Variants in FOXP1 observed in about 807,000 individuals in gnomAD.
FOXP1 encodes forkhead box protein P1.
A neutral mutation model predicts 98.2 loss-of-function variants in FOXP1; 15 were observed. The observed-to-expected ratio is 0.15, with a 90% confidence interval of 0.10 to 0.24. The LOEUF is 0.24. Ranked by LOEUF, FOXP1 falls within the 10% of genes least tolerant of loss-of-function variation. FOXP1 has a pLI of 1.00. For synonymous variants in FOXP1, 371 were observed against 314.5 expected, an observed-to-expected ratio of 1.18 and a Z score of -1.90; for missense variants, 633 against 848.5, an observed-to-expected ratio of 0.75 and a Z score of 3.15.
chr3:71,138,472 T>C (rs1353255712), intron 6 of FOXP1, among the ~76,000 whole-genome samples: 1 of 152,118 alleles, frequency 6.6e-6, no homozygotes, highest in Admixed American at 6.6e-5. Context: ...AAGGCCCTCC[T>C]CTGAAAAAGA....
At chr3:70,984,616 G>C (rs534504795) in intron 14 of FOXP1, among the ~76,000 whole-genome samples, 228 of 152,330 alleles carry the variant, frequency 1.5e-3, no homozygotes, top group African/African-American at 5.2e-3. Context: ...TGATGGAATA[G>C]TTTGATTTTA....
intron 14 of FOXP1, 124 bp from the exon 15 acceptor site, chr3:70,978,153 G>C (rs2037994878): frequency 1.3e-6 from 1 of 778,034 alleles, no homozygotes. Flanking sequence ...TAGATGGTAT[G>C]TTTACCATGA....
At chr3:71,120,089 G>C (rs751476575) in intron 6 of FOXP1, among the ~76,000 whole-genome samples, 1 of 152,194 alleles carries the variant, frequency 6.6e-6, no homozygotes, top group Non-Finnish European at 1.5e-5. Flanking sequence ...ATTGAGTCAG[G>C]TTATTGGTGT....
At chr3:71,398,788 C>A (rs779260470) in intron 3 of FOXP1, among the ~76,000 whole-genome samples, 26 of 152,118 alleles carry the variant, frequency 1.7e-4, no homozygotes, top group Non-Finnish European at 3.5e-4. Context: ...TGGTGACAAA[C>A]AATTGTAATT....
intron 5 of FOXP1, among the ~76,000 whole-genome samples, chr3:71,273,431 A>C (rs1487303793): frequency 6.6e-6 from 1 of 151,988 alleles, no homozygotes; most frequent in Non-Finnish European, 1.5e-5. Flanking sequence ...CACAACCCTA[A>C]CTCAACTGCT....
intron 9 of FOXP1, 69 bp downstream of exon 9, chr3:71,052,468 A>G: frequency 1.2e-6 from 1 of 851,002 alleles, no homozygotes; most frequent in Non-Finnish European, 2.1e-6. Context: ...AAGATGAATG[A>G]CAGTTTAATA....
At chr3:71,123,155 C>A (rs1318852768) in intron 6 of FOXP1, among the ~76,000 whole-genome samples, 1 of 152,126 alleles carries the variant, frequency 6.6e-6, no homozygotes, top group Non-Finnish European at 1.5e-5. Flanking sequence ...CATCTAAATT[C>A]AACCTTTGCC....
At chr3:71,455,786 G>T (rs189947909) in intron 3 of FOXP1, among the ~76,000 whole-genome samples, 1 of 152,314 alleles carries the variant, frequency 6.6e-6, no homozygotes, top group South Asian at 2.1e-4. Flanking sequence ...AGAAAGAAAA[G>T]AGCTATTAGT....
chr3:71,328,975 A>AAAAAAAAC, intron 4 of FOXP1, among the ~76,000 whole-genome samples: 1 of 24,920 alleles, frequency 4.0e-5, no homozygotes, highest in Non-Finnish European at 2.0e-4. Flanking sequence ...CCATCTCGCT[A>AAAAAAAAC]AAAAAAAAAA....
intron 4 of FOXP1, among the ~76,000 whole-genome samples, chr3:71,350,918 C>T (rs1261146074): frequency 6.6e-6 from 1 of 152,050 alleles, no homozygotes; most frequent in Non-Finnish European, 1.5e-5. Flanking sequence ...TAGAGATGGA[C>T]ACATGACCCA....
At chr3:71,058,464 T>C (rs1294514311) in intron 7 of FOXP1, among the ~76,000 whole-genome samples, 2 of 152,204 alleles carry the variant, frequency 1.3e-5, no homozygotes, top group Admixed American at 6.5e-5. Context: ...CTTCAGGCTG[T>C]ATTTGGGTGA....
chr3:70,959,529 G>A (rs796208669), intron 20 of FOXP1, 138 bp from the exon 21 acceptor site: 6 of 888,412 alleles, frequency 6.8e-6, no homozygotes, highest in African/African-American at 5.0e-5. Context: ...TTAGCCACAC[G>A]TGGCTCTTTA....
At chr3:71,385,037 A>T (rs753197502) in intron 3 of FOXP1, among the ~76,000 whole-genome samples, 2 of 152,072 alleles carry the variant, frequency 1.3e-5, no homozygotes, top group Non-Finnish European at 2.9e-5. Flanking sequence ...AACACAACAC[A>T]ACATCAGTGA....
chr3:71,459,740 A>G (rs969616872), intron 3 of FOXP1, among the ~76,000 whole-genome samples: 1 of 152,222 alleles, frequency 6.6e-6, no homozygotes, highest in Non-Finnish European at 1.5e-5. Context: ...AAAGGCAAAC[A>G]CACATGAAAA....
At position 71,498,628 on chromosome 3, in the gene FOXP1, G is replaced by T. The variant is rs191861855; in HGVS notation, c.-297-5073C>A. ...AGGAACTGCAGAATTTCAAGCAGTG[G>T]ATTGATAACAGACAACATGCTCATC... On this transcript the variant is annotated intron_variant, in intron 2 of 20. Transcript: ENST00000649528. Among the ~76,000 whole-genome samples, 293 of 152,288 alleles carry T rather than the reference G, an allele frequency of 1.9e-3. 1 individual carries two copies. The highest frequency in any genetic ancestry group is 2.4e-3 in the Non-Finnish European group (166 of 68,020).
At chr3:71,374,404 G>A (rs555771533) in intron 3 of FOXP1, among the ~76,000 whole-genome samples, 56 of 152,224 alleles carry the variant, frequency 3.7e-4, no homozygotes, top group Middle Eastern at 6.8e-3. Flanking sequence ...GGCCAGCCTG[G>A]CCAACAAGGT....
chr3:71,209,391 C>T (rs1242028401), intron 5 of FOXP1, among the ~76,000 whole-genome samples: 1 of 152,110 alleles, frequency 6.6e-6, no homozygotes, highest in East Asian at 1.9e-4. Flanking sequence ...GAAGGAAAAC[C>T]TTAATGCTCC....
intron 4 of FOXP1, among the ~76,000 whole-genome samples, chr3:71,346,907 G>A (rs1378286961): frequency 6.6e-6 from 1 of 152,088 alleles, no homozygotes; most frequent in Non-Finnish European, 1.5e-5. Flanking sequence ...GCTGGGCGTG[G>A]TGGCACGCAC....
At chr3:71,537,573 C>T (rs781359533) in intron 2 of FOXP1, among the ~76,000 whole-genome samples, 4 of 152,154 alleles carry the variant, frequency 2.6e-5, no homozygotes, top group South Asian at 2.1e-4. Context: ...GACAGAAAGA[C>T]GGTGTTTTTT....
Sources: gnomAD v4.1 joint callset for allele counts (sites outside exome capture counted in the v4.1 genomes callset) on GRCh38, gnomAD v4.1.1 for gene constraint, MANE v1.5 for transcripts, NCBI Gene and HGNC (gene_info 2026-07-23, HGNC 2026-07-21) for gene names.